Variants in HIRA observed in about 807,000 individuals in gnomAD.
HIRA encodes protein HIRA.
In HIRA, 13 loss-of-function variants were observed where a neutral mutation model predicts 126.6. The ratio of observed to expected loss-of-function variants is 0.10; its 90% CI spans 0.07 to 0.16. The LOEUF (loss-of-function observed/expected upper bound fraction) is 0.16. Among genes scored for constraint, HIRA ranks in the 10% least tolerant of loss-of-function variants. The pLI, the probability that HIRA is intolerant of heterozygous loss-of-function variation, is 1.00. For missense variants in HIRA, 834 were observed against 1,314.4 expected, an observed-to-expected ratio of 0.63 and a Z score of 5.65; for synonymous variants, 511 against 520.0, an observed-to-expected ratio of 0.98 and a Z score of 0.24.
intron 1 of HIRA, among the ~76,000 whole-genome samples, chr22:19,413,100 A>G (rs1459405486): frequency 1.3e-5 from 2 of 152,192 alleles, no homozygotes; most frequent in Non-Finnish European, 2.9e-5. Flanking sequence ...AATGTTGCAG[A>G]GCAGACTGCA....
chr22:19,421,883 A>G (rs992502366), intron 1 of HIRA, among the ~76,000 whole-genome samples: 1 of 151,978 alleles, frequency 6.6e-6, no homozygotes, highest in East Asian at 1.9e-4. Context: ...TGTTGGCCAG[A>G]CTGGTCTTGA....
At chr22:19,422,806 G>A (rs1352835077) in intron 1 of HIRA, among the ~76,000 whole-genome samples, 1 of 152,170 alleles carries the variant, frequency 6.6e-6, no homozygotes, top group Non-Finnish European at 1.5e-5. Flanking sequence ...AGCCCCAACA[G>A]CTCCCTGTAG....
intron 1 of HIRA, among the ~76,000 whole-genome samples, chr22:19,413,004 G>GT (rs2089366120): frequency 6.6e-6 from 1 of 152,170 alleles, no homozygotes; most frequent in East Asian, 1.9e-4. Flanking sequence ...CAAGGGTTGA[G>GT]TAAGAGTTAG....
intron 24 of HIRA, 78 bp from the exon 25 acceptor site, chr22:19,331,634 A>ACACAAGGTTCTCTGCCAG: frequency 7.3e-7 from 1 of 1,364,726 alleles, no homozygotes; most frequent in Non-Finnish European, 1.0e-6. Flanking sequence ...GGCCTGGCAG[A>ACACAAGGTTCTCTGCCAG]GAACCTTGTG....
intron 5 of HIRA, among the ~76,000 whole-genome samples, chr22:19,400,027 G>A (rs1324145501): frequency 6.6e-6 from 1 of 152,164 alleles, no homozygotes; most frequent in African/African-American, 2.4e-5. Context: ...CTAGAACAGA[G>A]AATATGTGGT....
intron 5 of HIRA, 67 bp from the exon 6 acceptor site, chr22:19,398,154 C>T: frequency 8.0e-7 from 1 of 1,253,098 alleles, no homozygotes; most frequent in African/African-American, 1.5e-5. Flanking sequence ...TTAGCTTGGC[C>T]AGTGCCCCTG....
intron 1 of HIRA, among the ~76,000 whole-genome samples, chr22:19,421,578 T>C (rs1370403731): frequency 1.3e-5 from 2 of 152,218 alleles, no homozygotes; most frequent in African/African-American, 4.8e-5. Context: ...CATTTTCTAA[T>C]TTTTCCTAAC....
chr22:19,331,128 C>G lies in HIRA; in HGVS notation c.*312G>C. 2.3e-6 allele frequency: 3 copies of G among 1,301,476 alleles called. No homozygotes were observed. Among genetic ancestry groups the G allele is most frequent in the Non-Finnish European group, 3.0e-6 (3 of 998,744 alleles). The allele number at this position is 1,301,476 out of a possible 1,614,324, so 80.6% of individuals were successfully genotyped here. ...TGCAGCAGCAGGGGCTAGTGTCCAC[C>G]TTGGGGCCGTGCTGGAGACGGCAGG... On this transcript the variant is annotated 3_prime_UTR_variant, in exon 25 of 25. Transcript: ENST00000263208.
rs60062462 is a variant in HIRA at position 19,395,515 on chromosome 22, T to C, written c.655-1006A>G. 3.9e-3 allele frequency among the ~76,000 whole-genome samples: 590 copies of C among 152,302 alleles called. 7 individuals carry two copies. Among genetic ancestry groups the C allele is most frequent in the African/African-American group, 0.013 (558 of 41,562 alleles). ...GAGCAAAAGCTCCTTAGGGCAAGAC[T>C]AAGTAAGGTAAAAACCAGTACTCAT... On this transcript the variant is annotated intron_variant, in intron 7 of 24. Coordinates refer to ENST00000263208, the MANE Select transcript of HIRA (RefSeq NM_003325.4).
At chr22:19,414,695 T>G (rs1406588469) in intron 1 of HIRA, among the ~76,000 whole-genome samples, 2 of 152,180 alleles carry the variant, frequency 1.3e-5, no homozygotes, top group Admixed American at 1.3e-4. Context: ...TTTGAAACAT[T>G]TATTAAATGA....
At position 19,351,490 on chromosome 22, in the gene HIRA, A is replaced by G; in HGVS notation, c.2849-44T>C. 2 of 1,356,084 alleles carry G rather than the reference A, an allele frequency of 1.5e-6. No homozygotes were observed. The highest frequency in any genetic ancestry group is 2.1e-6 in the Non-Finnish European group (2 of 951,620). The allele number at this position is 1,356,084 out of a possible 1,614,324, so 84.0% of individuals were successfully genotyped here. A position where few individuals can be genotyped will look rare whatever the true frequency, so the allele number is the denominator to read the frequency against. On this transcript the variant is annotated intron_variant, in intron 23 of 24. Transcript: ENST00000263208. The surrounding 1 kb of genome is among the most constrained non-coding windows in gnomAD (Gnocchi z 4.8). ...ACAAACAACAACAACAAAAAACAAA[A>G]CAGAAATAGGAACACATTACAAAAA...
chr22:19,399,856 G>C (rs2146233936), intron 5 of HIRA, among the ~76,000 whole-genome samples: 1 of 152,276 alleles, frequency 6.6e-6, no homozygotes, highest in East Asian at 1.9e-4. Flanking sequence ...CTGATTTGCT[G>C]ACTTATTGTG....
rs117317936 is a variant in HIRA at position 19,427,314 on chromosome 22, A to T, written c.37+4126T>A. Among the ~76,000 whole-genome samples, 510 of 152,318 alleles carry T rather than the reference A, an allele frequency of 3.3e-3. 20 individuals carry two copies. The East Asian group carries it at 0.068, about 20-fold the overall frequency. On this transcript the variant is annotated intron_variant, in intron 1 of 24. Transcript: ENST00000263208. ...TGTTTATCTCTCAACCACTGCAATCATATAACCTCACCATTAGGATCCTTT... is the reference window on the plus strand; with the variant it reads ...TGTTTATCTCTCAACCACTGCAATCTTATAACCTCACCATTAGGATCCTTT...
intron 1 of HIRA, among the ~76,000 whole-genome samples, chr22:19,424,129 C>G (rs754442910): frequency 4.6e-5 from 7 of 152,242 alleles, no homozygotes; most frequent in Non-Finnish European, 1.0e-4. Context: ...TACCAAGTAC[C>G]ATTCCTGGCC....
intron 2 of HIRA, among the ~76,000 whole-genome samples, chr22:19,409,546 G>A (rs1206085885): frequency 6.6e-6 from 1 of 152,196 alleles, no homozygotes; most frequent in Non-Finnish European, 1.5e-5. Flanking sequence ...GCCTCCCAAA[G>A]TGCTGAAATC....
intron 23 of HIRA, among the ~76,000 whole-genome samples, chr22:19,352,315 G>A (rs1474832020): frequency 2.0e-5 from 3 of 152,068 alleles, no homozygotes; most frequent in Non-Finnish European, 4.4e-5. Flanking sequence ...CACCCAGGAT[G>A]AAGCAAACCA....
intron 5 of HIRA, among the ~76,000 whole-genome samples, chr22:19,398,500 C>T (rs2238767): frequency 0.67 from 102,420 of 152,056 alleles, 34,775 homozygotes; most frequent in South Asian, 0.76. Context: ...CTGGCACAGT[C>T]AGAACTCCAG....
chr22:19,361,321 T>C lies in HIRA; in HGVS notation c.2001A>G (p.Ala667=), dbSNP rs746114297. ...LSVQSPAALT[A]EKEAMCLSAP... is the part of the protein sequence containing the mutation. ...CAGACAGACACATGGCCTCCTTCTC[T>C]GCGGTTAGGGCAGCTGGAGACTGGA... The change falls in exon 17 of 25, where the codon GCA becomes GCG. Residue 667 remains alanine (A), a synonymous_variant. Coordinates refer to ENST00000263208, the MANE Select transcript of HIRA (RefSeq NM_003325.4). 2.5e-6 allele frequency: 4 copies of C among 1,614,188 alleles called. No homozygotes were observed. The South Asian group carries it at 4.4e-5, about 18-fold the overall frequency.
At chr22:19,398,914 G>A (rs2089244848) in intron 5 of HIRA, among the ~76,000 whole-genome samples, 1 of 152,054 alleles carries the variant, frequency 6.6e-6, no homozygotes, top group Non-Finnish European at 1.5e-5. Flanking sequence ...AGGCTGCAGT[G>A]ACCATGATTG....
Sources: allele counts gnomAD v4.1 joint callset (sites outside exome capture counted in the v4.1 genomes callset), GRCh38; gene constraint gnomAD v4.1.1; non-coding constraint Gnocchi (gnomAD v3.1); transcripts MANE v1.5; gene names NCBI Gene and HGNC (gene_info 2026-07-23, HGNC 2026-07-21).